NOX4: variants seen among roughly 807,000 people sequenced by gnomAD.
NOX4 encodes kidney oxidase-1.
A neutral mutation model predicts 87.6 loss-of-function variants in NOX4; 69 were observed. The observed-to-expected ratio is 0.79, with a 90% confidence interval of 0.65 to 0.96. The LOEUF (loss-of-function observed/expected upper bound fraction) is 0.96. Among genes scored for constraint, NOX4 ranks in the 40% least tolerant of loss-of-function variants. The pLI is 0.00. For missense variants in NOX4, 680 were observed against 681.5 expected, an observed-to-expected ratio of 1.00 and a Z score of 0.02; for synonymous variants, 275 against 238.2, an observed-to-expected ratio of 1.15 and a Z score of -1.42.
chr11:89,340,091 G>A lies in NOX4; in HGVS notation c.1418C>T (p.Ala473Val). The stretch of plus-strand genomic sequence containing the variant: ...GTTATGCAACATACAGAGTAAATCT[G>A]CAAACCAACGGAAGGACTGGATATC... ...CRDIQSFRWFADLLCMLHNKF... is the reference protein window; with the variant it reads ...CRDIQSFRWFVDLLCMLHNKF... Residue 473 changes from alanine to valine, a missense_variant, in exon 15 of 18, where the codon GCA (alanine) becomes GTA (valine). By Grantham distance (64) the Ala-to-Val change is moderately conservative. Coordinates refer to ENST00000263317, the MANE Select transcript of NOX4 (RefSeq NM_016931.5). The A allele has an allele frequency of 1.3e-6, 2 of 1,569,490 alleles. No individual in the cohort carries two copies. The highest frequency in any genetic ancestry group is 1.7e-6 in the Non-Finnish European group (2 of 1,164,580).
chr11:89,543,347 A>G, the NOX4 span, among the ~76,000 whole-genome samples: 2 of 152,174 alleles, frequency 1.3e-5, no homozygotes, highest in African/African-American at 4.8e-5. Flanking sequence ...GTGATATAGA[A>G]TCACATATAT....
chr11:89,328,940 C>A (rs190283279), intron 17 of NOX4, among the ~76,000 whole-genome samples: 68 of 152,050 alleles, frequency 4.5e-4, no homozygotes, highest in African/African-American at 1.5e-3. Context: ...CTCAGGAAAC[C>A]AGTCCTGCCT....
upstream of NOX4, among the ~76,000 whole-genome samples, chr11:89,494,212 A>T (rs1205962978): frequency 1.3e-5 from 2 of 152,198 alleles, no homozygotes; most frequent in African/African-American, 4.8e-5. Context: ...TAAAAACTCA[A>T]ATGACAGATA....
the NOX4 span, among the ~76,000 whole-genome samples, chr11:89,515,287 T>C: frequency 1.3e-5 from 2 of 152,040 alleles, no homozygotes; most frequent in African/African-American, 4.8e-5. Context: ...AGCGTGAGTT[T>C]TTTTTAGCAG....
intron 12 of NOX4, among the ~76,000 whole-genome samples, chr11:89,366,213 T>C (rs1334095053): frequency 6.6e-6 from 1 of 152,078 alleles, no homozygotes; most frequent in African/African-American, 2.4e-5. Flanking sequence ...TTCTTCCATG[T>C]TACATAGTAA....
chr11:89,574,847 A>G, the NOX4 span, among the ~76,000 whole-genome samples: 3 of 152,248 alleles, frequency 2.0e-5, no homozygotes, highest in African/African-American at 7.2e-5. Context: ...CTGTGTTTTA[A>G]TAATTTATGT....
upstream of NOX4, among the ~76,000 whole-genome samples, chr11:89,492,521 G>T (rs1313973842): frequency 1.3e-5 from 2 of 152,170 alleles, no homozygotes; most frequent in Non-Finnish European, 2.9e-5. Context: ...ACTGATTAAT[G>T]ATTGCAGTCC....
At chr11:89,461,594 G>A (rs186287981) in intron 2 of NOX4, among the ~76,000 whole-genome samples, 32 of 151,328 alleles carry the variant, frequency 2.1e-4, no homozygotes, top group Middle Eastern at 3.4e-3. Context: ...GCAGTGAGCC[G>A]AGATCGCGCC....
At chr11:89,361,094 A>C (rs1268210557) in intron 12 of NOX4, among the ~76,000 whole-genome samples, 1 of 152,102 alleles carries the variant, frequency 6.6e-6, no homozygotes. Flanking sequence ...CAATCTCACT[A>C]CTAGGTATCT....
chr11:89,454,969 G>A (rs1945122174), intron 2 of NOX4, among the ~76,000 whole-genome samples: 1 of 151,942 alleles, frequency 6.6e-6, no homozygotes, highest in Non-Finnish European at 1.5e-5. Context: ...TTCATCTCAG[G>A]GTTAAAACTA....
the NOX4 span, among the ~76,000 whole-genome samples, chr11:89,521,468 T>C: frequency 1.3e-5 from 2 of 152,262 alleles, no homozygotes; most frequent in South Asian, 4.1e-4. Context: ...CTGGAATAAC[T>C]GGTTAGTCAT....
chr11:89,531,728 CA>C, the NOX4 span, among the ~76,000 whole-genome samples: 4 of 152,210 alleles, frequency 2.6e-5, no homozygotes, highest in Admixed American at 6.5e-5. Context: ...TCACCTTCTG[CA>C]AAAACATCTC....
chr11:89,393,242 T>C (rs551255277), intron 11 of NOX4, among the ~76,000 whole-genome samples: 70 of 152,114 alleles, frequency 4.6e-4, no homozygotes, highest in Non-Finnish European at 8.8e-4. Context: ...CAACACATCC[T>C]ATCGAAGAAT....
rs754729347 is a variant in NOX4 at position 89,326,757 on chromosome 11, C to T, written c.1736G>A (p.Ter579=). The part of the protein sequence containing the change: ...RFEYNKESFS[*] ...AGTCCTGCTTCATGGCAAAAGTTTT[C>T]AGCTGAAAGACTCTTTATTGTATTC... The change falls in exon 18 of 18, where the codon TGA becomes TAA. Residue 579 remains the stop codon, a stop_retained_variant. Transcript: ENST00000263317. The T allele has an allele frequency of 7.4e-6, 12 of 1,611,700 alleles. No homozygotes were observed. The highest frequency in any genetic ancestry group is 1.0e-5 in the Non-Finnish European group (12 of 1,178,850).
chr11:89,370,595 G>A (rs1035686608), intron 12 of NOX4, among the ~76,000 whole-genome samples: 48 of 152,036 alleles, frequency 3.2e-4, no homozygotes, highest in African/African-American at 1.1e-3. Flanking sequence ...GCTGCTTCTA[G>A]AAGAGCAATA....
chr11:89,569,800 G>A, the NOX4 span, among the ~76,000 whole-genome samples: 73 of 151,870 alleles, frequency 4.8e-4, no homozygotes, highest in Middle Eastern at 3.4e-3. Flanking sequence ...TCAGGAGATC[G>A]AGACCATCTT....
the NOX4 span, among the ~76,000 whole-genome samples, chr11:89,533,296 A>G: frequency 6.6e-6 from 1 of 152,172 alleles, no homozygotes; most frequent in African/African-American, 2.4e-5. Flanking sequence ...CTTCCTTTAT[A>G]TCAGTCTTCC....
chr11:89,398,758 T>C (rs1941648180), intron 11 of NOX4, among the ~76,000 whole-genome samples: 1 of 151,882 alleles, frequency 6.6e-6, no homozygotes, highest in Admixed American at 6.6e-5. Flanking sequence ...TGTTCTCAAT[T>C]ATCTTTCTTA....
At chr11:89,438,914 TATAA>T (rs1299019286) in intron 6 of NOX4, among the ~76,000 whole-genome samples, 1 of 64,724 alleles carries the variant, frequency 1.5e-5, no homozygotes, top group Non-Finnish European at 2.7e-5. Context: ...TAATATATAA[TATAA>T]AATATATATA....
Sources: gnomAD v4.1 joint callset for allele counts (sites outside exome capture counted in the v4.1 genomes callset) on GRCh38, gnomAD v4.1.1 for gene constraint, MANE v1.5 for transcripts, NCBI Gene and HGNC (gene_info 2026-07-23, HGNC 2026-07-21) for gene names.